Variants in RGMA observed in about 807,000 individuals in gnomAD.
The protein encoded by RGMA is repulsive guidance molecule BMP co-receptor a.
In RGMA, 10 loss-of-function variants were observed where a neutral mutation model predicts 23.2. That is an observed-to-expected ratio of 0.43 (90% confidence interval 0.27 to 0.73). The LOEUF is 0.73. Ranked by LOEUF, RGMA falls within the 30% of genes least tolerant of loss-of-function variation. RGMA has a pLI of 0.20. For synonymous variants in RGMA, 308 were observed against 279.3 expected (o/e 1.10, Z -1.03); for missense variants, 547 against 630.5 (o/e 0.87, Z 1.42).
intron 2 of RGMA, among the ~76,000 whole-genome samples, chr15:93,063,543 G>C (rs979566574): frequency 5.3e-5 from 8 of 152,210 alleles, no homozygotes; most frequent in African/African-American, 1.9e-4. Flanking sequence ...CTGTCATCCT[G>C]GTGTAAACAT....
intron 3 of RGMA, among the ~76,000 whole-genome samples, chr15:93,047,256 T>G (rs1042015255): frequency 6.6e-6 from 1 of 152,132 alleles, no homozygotes; most frequent in Non-Finnish European, 1.5e-5. Context: ...TCCCTAACCC[T>G]AAGCAGGTTT....
rs1489884480 is a variant in RGMA at position 93,072,796 on chromosome 15, G to A, written c.130+120C>T. On this transcript the variant is annotated intron_variant, in intron 2 of 3. Coordinates refer to ENST00000329082, the MANE Select transcript of RGMA (RefSeq NM_020211.3). The stretch of plus-strand genomic sequence containing the variant: ...AGAAACAAAAGACCCGTGGAAATAG[G>A]AGGCGGGGTCCGGAGGAGGTCCGGA... The A allele has an allele frequency of 3.6e-6, 4 of 1,104,882 alleles. No individual in the cohort carries two copies. The Admixed American group carries it at 1.0e-4, about 29-fold the overall frequency. 68.4% of individuals were successfully genotyped at this position (1,104,882 alleles called of 1,614,324 possible).
intron 2 of RGMA, among the ~76,000 whole-genome samples, chr15:93,072,438 A>G (rs1259671832): frequency 6.6e-6 from 1 of 152,124 alleles, no homozygotes; most frequent in African/African-American, 2.4e-5. Flanking sequence ...TGGAAACGAG[A>G]CGAGGTCTCC....
intron 2 of RGMA, 116 bp downstream of exon 2, chr15:93,072,800 C>T: frequency 8.9e-7 from 1 of 1,119,132 alleles, no homozygotes; most frequent in South Asian, 1.6e-5. Context: ...AAATAGGAGG[C>T]GGGGTCCGGA....
intron 2 of RGMA, among the ~76,000 whole-genome samples, chr15:93,058,177 A>G (rs938738361): frequency 6.6e-6 from 1 of 152,222 alleles, no homozygotes; most frequent in Non-Finnish European, 1.5e-5. Context: ...CAATTTCCCC[A>G]CCCAGAGAGA....
In RGMA at chr15:93,041,779, C is replaced by A. The variant is rs561249733; in HGVS notation, c.*3219G>T. 6.6e-6 allele frequency: 1 copy of A among 152,258 alleles called. No individual in the cohort carries two copies. The highest frequency in any genetic ancestry group is 1.5e-5 in the Non-Finnish European group (1 of 68,142). The allele number at this position is 152,258 out of a possible 1,614,324, so 9.4% of individuals were successfully genotyped here. A position where few individuals can be genotyped will look rare whatever the true frequency, so the allele number is the denominator to read the frequency against. On this transcript the variant is annotated 3_prime_UTR_variant, in exon 4 of 4. Transcript: ENST00000329082. ...CGGCCGCCAGGGAAGATGCTGGGTA[C>A]GTTTTGTCCTTTCCAGTCTGGTTCC... is the stretch of plus-strand genomic sequence containing the variant.
chr15:93,087,746 G>A (rs954020390), intron 1 of RGMA, among the ~76,000 whole-genome samples: 5 of 152,112 alleles, frequency 3.3e-5, no homozygotes, highest in Non-Finnish European at 5.9e-5. Flanking sequence ...TTACGTTTTT[G>A]CTGGAAGAGT....
intron 1 of RGMA, among the ~76,000 whole-genome samples, chr15:93,086,583 A>G (rs538153705): frequency 1.3e-4 from 20 of 152,310 alleles, no homozygotes; most frequent in African/African-American, 2.9e-4. Context: ...CTTTCTGGCC[A>G]TCAGTTTCTT....
intron 2 of RGMA, among the ~76,000 whole-genome samples, chr15:93,054,191 C>T (rs2054974699): frequency 7.2e-6 from 1 of 139,444 alleles, no homozygotes; most frequent in Admixed American, 7.7e-5. Flanking sequence ...GATGGCGCCA[C>T]TGTACTCCAG....
chr15:93,064,932 T>A (rs1004242834), intron 2 of RGMA, among the ~76,000 whole-genome samples: 16 of 152,194 alleles, frequency 1.1e-4, no homozygotes, highest in Admixed American at 4.6e-4. Context: ...GTTCCGCATC[T>A]CAAGCCTTCT....
Position 93,048,449 on chromosome 15 carries a change from G to T in RGMA, c.646-2744C>A, listed in dbSNP as rs189146637. ...CTTTCTGTGCCTGATGGAGGCTGCG[G>T]AGGGTCGGGGCTCTGCGGGAGTCCA... On this transcript the variant is annotated intron_variant, in intron 3 of 3. Coordinates refer to ENST00000329082, the MANE Select transcript of RGMA (RefSeq NM_020211.3). Among the ~76,000 whole-genome samples the T allele has an allele frequency of 7.1e-4, 108 of 152,300 alleles. 2 individuals are homozygous for T. The South Asian group carries it at 0.014, about 19-fold the overall frequency.
intron 2 of RGMA, among the ~76,000 whole-genome samples, chr15:93,070,287 A>C (rs1596101332): frequency 6.6e-6 from 1 of 152,030 alleles, no homozygotes; most frequent in African/African-American, 2.4e-5. Flanking sequence ...TTTAATTTGC[A>C]CTCCTATAGG....
At position 93,041,760 on chromosome 15, in the gene RGMA, C is replaced by G. The variant is rs1362360858; in HGVS notation, c.*3238G>C. The G allele has an allele frequency of 6.6e-6, 1 of 152,288 alleles. No homozygotes were observed. The highest frequency in any genetic ancestry group is 2.4e-5 in the African/African-American group (1 of 41,432). The allele number at this position is 152,288 out of a possible 1,614,324, so 9.4% of individuals were successfully genotyped here. On this transcript the variant is annotated 3_prime_UTR_variant, in exon 4 of 4. Transcript: ENST00000329082. ...GGGCCTGTAGTGACGGTTCCGGCCG[C>G]CAGGGAAGATGCTGGGTACGTTTTG...
At chr15:93,056,931 G>C (rs2055024261) in intron 2 of RGMA, among the ~76,000 whole-genome samples, 1 of 152,198 alleles carries the variant, frequency 6.6e-6, no homozygotes, top group African/African-American at 2.4e-5. Context: ...TGCAGCCCCG[G>C]GAGGTCAGAG....
chr15:93,045,288 A>C lies in RGMA; in HGVS notation c.1063T>G (p.Phe355Val). 6.2e-7 allele frequency: 1 copy of C among 1,612,756 alleles called. No homozygotes were observed. Among genetic ancestry groups the C allele is most frequent in the Non-Finnish European group, 8.5e-7 (1 of 1,179,702 alleles). ...ASPAPTAPET[F>V]PYETAVAKCK... ...TTGGCCACGGCTGTCTCGTATGGGA[A>C]GGTCTCGGGGGCTGTGGGTGCAGGG... The change falls in exon 4 of 4, where the codon TTC becomes GTC. Residue 355 changes from phenylalanine (F) to valine (V), a missense_variant. Phe to Val is a conservative substitution (Grantham distance 50, BLOSUM62 -1). This residue lies in a region of RGMA where 205 missense variants were observed against 204.1 expected (regional missense o/e 1.00). Transcript: ENST00000329082. The surrounding 1 kb of genome is among the most constrained non-coding windows in gnomAD (Gnocchi z 6.9).
At chr15:93,087,787 C>T (rs1246235945) in intron 1 of RGMA, among the ~76,000 whole-genome samples, 1 of 152,116 alleles carries the variant, frequency 6.6e-6, no homozygotes, top group Non-Finnish European at 1.5e-5. Flanking sequence ...TGATGGAGCT[C>T]CTTTAGGTGA....
rs1003539387 is a variant in RGMA at position 93,038,370 on chromosome 15, A to C, written c.*6628T>G. The C allele has an allele frequency of 1.3e-5, 2 of 152,166 alleles. No individual in the cohort carries two copies. The highest frequency in any genetic ancestry group is 4.8e-5 in the African/African-American group (2 of 41,444). 9.4% of individuals were successfully genotyped at this position (152,166 alleles called of 1,614,324 possible). The stretch of plus-strand genomic sequence containing the variant: ...TCTGGACCATACCTGAGATTTGCAC[A>C]CAGGAAAGTGCAGTCCCTGCCCTTG... On this transcript the variant is annotated 3_prime_UTR_variant, in exon 4 of 4. Transcript: ENST00000329082.
Position 93,078,668 on chromosome 15 carries a change from C to T in RGMA, c.15-5637G>A, listed in dbSNP as rs369150312. Among the ~76,000 whole-genome samples the T allele has an allele frequency of 1.1e-4, 16 of 152,308 alleles. No homozygotes were observed. In the South Asian group the frequency reaches 2.9e-3, roughly 28 times the overall value. ...AGGTACAAAGCAGCCCGGCCTCTTG[C>T]GAAGAACTTCAGGTGATGACATTGC... On this transcript the variant is annotated intron_variant, in intron 1 of 3. Transcript: ENST00000329082.
intron 2 of RGMA, among the ~76,000 whole-genome samples, chr15:93,054,451 G>C (rs886697036): frequency 2.3e-4 from 35 of 151,780 alleles, no homozygotes; most frequent in African/African-American, 8.0e-4. Flanking sequence ...TGAATCAGGA[G>C]GTCATTTCCC....
Sources: gnomAD v4.1 joint callset for allele counts (sites outside exome capture counted in the v4.1 genomes callset) on GRCh38, gnomAD v4.1.1 for gene constraint, gnomAD v4.1.1 regional missense constraint, Gnocchi (gnomAD v3.1) non-coding constraint, MANE v1.5 for transcripts, NCBI Gene and HGNC (gene_info 2026-07-23, HGNC 2026-07-21) for gene names.